PCLO: variants seen among roughly 807,000 people sequenced by gnomAD.
The protein encoded by PCLO is piccolo presynaptic cytomatrix protein, also known as protein piccolo.
Under a neutral mutation model 427.5 loss-of-function variants are expected in PCLO, and 82 were observed. The observed-to-expected ratio is 0.19, with a 90% CI of 0.16 to 0.23. The LOEUF is 0.23. PCLO is among the 10% of genes least tolerant of loss of function. The pLI is 1.00. For synonymous variants in PCLO, 2,357 were observed against 2,155.4 expected (o/e 1.09, Z -2.59); for missense variants, 6,239 against 6,115.9 (o/e 1.02, Z -0.67).
At chr7:82,772,821 A>AT (rs1311698237) in intron 22 of PCLO, among the ~76,000 whole-genome samples, 1 of 152,144 alleles carries the variant, frequency 6.6e-6, no homozygotes, top group Admixed American at 6.6e-5. Context: ...ATTTCTTTAA[A>AT]TTTTTTTGTA....
At chr7:82,838,120 A>G (rs1327316808) in intron 15 of PCLO, 98 bp downstream of exon 15, 2 of 821,704 alleles carry the variant, frequency 2.4e-6, no homozygotes, top group Middle Eastern at 2.7e-4. Flanking sequence ...AGGAAAAGAT[A>G]ATAAAGTCAA....
intron 3 of PCLO, among the ~76,000 whole-genome samples, chr7:83,094,210 C>CTGTTTTTTTTTTTTTT (rs61363541): frequency 7.9e-6 from 1 of 126,020 alleles, no homozygotes; most frequent in Non-Finnish European, 1.6e-5. Flanking sequence ...ATTTTTTTTT[C>CTGTTTTTTTTTTTTTT]TTTTTTTTTT....
intron 3 of PCLO, among the ~76,000 whole-genome samples, chr7:82,984,968 T>C (rs1195389588): frequency 1.3e-5 from 2 of 152,016 alleles, no homozygotes; most frequent in Admixed American, 1.3e-4. Context: ...TAGTTTCTAC[T>C]GATAAAATTG....
At chr7:83,011,022 A>G (rs1032600285) in intron 3 of PCLO, among the ~76,000 whole-genome samples, 1 of 152,008 alleles carries the variant, frequency 6.6e-6, no homozygotes, top group Non-Finnish European at 1.5e-5. Flanking sequence ...ATCTCAGCAC[A>G]CACATGATCT....
Position 83,027,116 on chromosome 7 carries a change from T to G in PCLO, c.3301-60629A>C, listed in dbSNP as rs983948205. On this transcript the variant is annotated intron_variant, in intron 3 of 24. Coordinates refer to ENST00000333891, the MANE Select transcript of PCLO (RefSeq NM_033026.6). Reference sequence around the variant, plus strand: ...GAAATAACTAAAATCAGAGCAGAACTGAAGGAAATAGAGACACAAAAAACC... The same window carrying G: ...GAAATAACTAAAATCAGAGCAGAACGGAAGGAAATAGAGACACAAAAAACC... Among the ~76,000 whole-genome samples the G allele has an allele frequency of 3.6e-5, 4 of 112,656 alleles. No homozygotes were observed. In the East Asian group the frequency reaches 9.4e-4, roughly 27 times the overall value. The allele number at this position is 112,656 out of a possible 152,430, so 73.9% of individuals were successfully genotyped here. A position where few individuals can be genotyped will look rare whatever the true frequency, so the allele number is the denominator to read the frequency against.
intron 3 of PCLO, among the ~76,000 whole-genome samples, chr7:83,098,710 A>C (rs776022081): frequency 6.8e-4 from 103 of 152,276 alleles, no homozygotes; most frequent in East Asian, 7.7e-4. Context: ...CTTACTGAGA[A>C]GAGTTACCTT....
rs145710384 is a variant in PCLO at position 83,066,685 on chromosome 7, G to A, written c.3300+67565C>T. On this transcript the variant is annotated intron_variant, in intron 3 of 24. Coordinates refer to ENST00000333891, the MANE Select transcript of PCLO (RefSeq NM_033026.6). Reference sequence around the variant, plus strand: ...ATAGCCATTGAACTTAAATTATGTTGAGAAATGAATAATGTACATTTTCAG... The same window carrying A: ...ATAGCCATTGAACTTAAATTATGTTAAGAAATGAATAATGTACATTTTCAG... Among the ~76,000 whole-genome samples, 448 of 152,192 alleles carry A rather than the reference G, an allele frequency of 2.9e-3. 3 individuals carry two copies. The highest frequency in any genetic ancestry group is 6.8e-4 in the Non-Finnish European group (46 of 67,994).
chr7:82,796,421 C>T (rs1199842949), intron 22 of PCLO, among the ~76,000 whole-genome samples: 1 of 151,906 alleles, frequency 6.6e-6, no homozygotes, highest in African/African-American at 2.4e-5. Context: ...TTCTATATAC[C>T]CCCAATCTTT....
intron 10 of PCLO, among the ~76,000 whole-genome samples, chr7:82,848,295 CATTA>C (rs1437314457): frequency 2.9e-5 from 4 of 137,544 alleles, no homozygotes; most frequent in African/African-American, 7.7e-5. Context: ...GTTGTTGAAC[CATTA>C]GTTAGTTTTT....
Position 83,052,288 on chromosome 7 carries a change from C to T in PCLO, c.3300+81962G>A, listed in dbSNP as rs566504949. Among the ~76,000 whole-genome samples the T allele has an allele frequency of 1.5e-4, 23 of 151,958 alleles. No homozygotes were observed. The South Asian group carries it at 4.6e-3, about 30-fold the overall frequency. Reference sequence around the variant, plus strand: ...GAGATAAGAACAAAGTACTCTTTGTCCTTTCTGAACAATATTTCTGTAAAT... The same window carrying T: ...GAGATAAGAACAAAGTACTCTTTGTTCTTTCTGAACAATATTTCTGTAAAT... On this transcript the variant is annotated intron_variant, in intron 3 of 24. Coordinates refer to ENST00000333891, the MANE Select transcript of PCLO (RefSeq NM_033026.6).
chr7:82,951,533 T>C (rs1795348732), intron 5 of PCLO, 43 bp from the exon 6 acceptor site: 1 of 1,325,908 alleles, frequency 7.5e-7, no homozygotes, highest in East Asian at 2.5e-5. Flanking sequence ...CCAGAATGAA[T>C]GATGCTTTTT....
chr7:82,771,992 A>G (rs78009332), intron 22 of PCLO, among the ~76,000 whole-genome samples: 2,464 of 152,218 alleles, frequency 0.016, 84 homozygotes, highest in African/African-American at 0.056. Context: ...TCAAATGGTA[A>G]TAACAATGTA....
chr7:82,756,981 T>TAC lies in PCLO; in HGVS notation c.*1593_*1594insGT, dbSNP rs1790332045. ...ATAAAATTTGAGAATTAAAAAGATA[T>TAC]GTAATAATTATTCCTCACTTCTGTG... On this transcript the variant is annotated 3_prime_UTR_variant, in exon 25 of 25. Transcript: ENST00000333891. 6.6e-6 allele frequency: 1 copy of TAC among 152,064 alleles called. No individual in the cohort carries two copies. Among genetic ancestry groups the TAC allele is most frequent in the Non-Finnish European group, 1.5e-5 (1 of 67,962 alleles). The allele number at this position is 152,064 out of a possible 1,614,324, so 9.4% of individuals were successfully genotyped here.
intron 3 of PCLO, among the ~76,000 whole-genome samples, chr7:83,100,792 C>T (rs1284032945): frequency 2.0e-5 from 3 of 152,030 alleles, no homozygotes; most frequent in Non-Finnish European, 4.4e-5. Flanking sequence ...TGTACTTGTA[C>T]TCCTAAACTT....
intron 10 of PCLO, among the ~76,000 whole-genome samples, chr7:82,860,401 T>A (rs989914866): frequency 6.6e-6 from 1 of 152,190 alleles, no homozygotes; most frequent in East Asian, 1.9e-4. Flanking sequence ...GAGAGTGATA[T>A]GACTTATTTA....
chr7:83,084,782 T>C (rs7810998), intron 3 of PCLO, among the ~76,000 whole-genome samples: 73,625 of 151,314 alleles, frequency 0.49, 17,966 homozygotes, highest in African/African-American at 0.5. Context: ...TTTGCACGTA[T>C]TCGAACGCTT....
intron 3 of PCLO, among the ~76,000 whole-genome samples, chr7:83,119,969 G>A (rs1791233934): frequency 1.3e-5 from 2 of 151,736 alleles, no homozygotes; most frequent in Admixed American, 1.3e-4. Flanking sequence ...CATGAGGACA[G>A]ACTATATGAA....
intron 14 of PCLO, among the ~76,000 whole-genome samples, chr7:82,839,320 G>GA (rs1013775409): frequency 1.8e-4 from 28 of 152,044 alleles, no homozygotes; most frequent in African/African-American, 5.3e-4. Flanking sequence ...ACTTCATAAT[G>GA]AAATAAATCC....
chr7:82,965,898 C>T lies in PCLO; in HGVS notation c.3890G>A (p.Gly1297Asp). The change falls in exon 4 of 25, where the codon GGT becomes GAT. Residue 1297 changes from glycine (G) to aspartate (D), a missense_variant. This residue lies in a region of PCLO where 4,677 missense variants were observed against 4,468.4 expected (regional missense o/e 1.05). Transcript: ENST00000333891. ...ACTCTGAGGTGTGCCAGATGGTAAACCTTCCATCTTGGTCTGTGGTTGTTT... is the reference window on the plus strand; with the variant it reads ...ACTCTGAGGTGTGCCAGATGGTAAATCTTCCATCTTGGTCTGTGGTTGTTT... ...EGKQPQTKMEGLPSGTPQSLP... is the reference protein window; with the variant it reads ...EGKQPQTKMEDLPSGTPQSLP... 6.2e-7 allele frequency: 1 copy of T among 1,613,742 alleles called. No individual in the cohort carries two copies. The highest frequency in any genetic ancestry group is 8.5e-7 in the Non-Finnish European group (1 of 1,179,734).
Sources: gnomAD v4.1 joint callset for allele counts (sites outside exome capture counted in the v4.1 genomes callset) on GRCh38, gnomAD v4.1.1 for gene constraint, gnomAD v4.1.1 regional missense constraint, MANE v1.5 for transcripts, NCBI Gene and HGNC (gene_info 2026-07-23, HGNC 2026-07-21) for gene names.